The following HERC1 variants were observed in gnomAD, a reference collection of about 807,000 sequenced individuals.
The protein encoded by HERC1 is HECT and RLD domain containing E3 ubiquitin protein ligase family member 1, also known as probable E3 ubiquitin-protein ligase HERC1.
HERC1 carries 160 observed loss-of-function variants against 554.3 expected under a neutral mutation model. The observed-to-expected ratio is 0.29, with a 90% confidence interval of 0.25 to 0.33. The LOEUF (loss-of-function observed/expected upper bound fraction) is 0.33, where lower values mean the gene tolerates loss of function less well. HERC1 is among the 10% of genes least tolerant of loss of function. The probability of loss-of-function intolerance (pLI) is 1.00; values close to 1 mark genes in which losing one functional copy is unlikely to be tolerated. For missense variants in HERC1, 4,919 were observed against 5,918.5 expected (o/e 0.83, Z 5.54); for synonymous variants, 2,175 against 2,131.7 (o/e 1.02, Z -0.56).
chr15:63,792,011 C>A (rs1199371221), intron 1 of HERC1, among the ~76,000 whole-genome samples: 5 of 152,138 alleles, frequency 3.3e-5, no homozygotes. Context: ...TAATTGATAA[C>A]TGATTTAATT....
At chr15:63,761,292 G>A (rs2075602297) in intron 3 of HERC1, among the ~76,000 whole-genome samples, 1 of 152,074 alleles carries the variant, frequency 6.6e-6, no homozygotes, top group African/African-American at 2.4e-5. Flanking sequence ...TTAAAACACA[G>A]AGACAGGCTG....
chr15:63,689,358 G>C (rs538238495), intron 33 of HERC1, among the ~76,000 whole-genome samples: 1 of 152,290 alleles, frequency 6.6e-6, no homozygotes, highest in East Asian at 1.9e-4. Flanking sequence ...CAGGACAAGA[G>C]AGAAGACAGA....
At chr15:63,669,249 G>C (rs954952346) in intron 40 of HERC1, among the ~76,000 whole-genome samples, 1 of 152,218 alleles carries the variant, frequency 6.6e-6, no homozygotes, top group African/African-American at 2.4e-5. Context: ...TGTGTGGGTT[G>C]CAGCTAAAGC....
At chr15:63,804,601 CTG>C (rs2077083834) in intron 1 of HERC1, among the ~76,000 whole-genome samples, 1 of 151,152 alleles carries the variant, frequency 6.6e-6, no homozygotes, top group South Asian at 2.1e-4. Flanking sequence ...AAAAACAACA[CTG>C]TTAAGAAAAT....
chr15:63,706,660 A>C lies in HERC1; in HGVS notation c.4636+120T>G, dbSNP rs2073020399. The C allele has an allele frequency of 8.1e-6, 4 of 496,400 alleles. No homozygotes were observed. In the East Asian group the frequency reaches 1.3e-4, roughly 17 times the overall value. 30.7% of individuals were successfully genotyped at this position (496,400 alleles called of 1,614,324 possible). A position where few individuals can be genotyped will look rare whatever the true frequency, so the allele number is the denominator to read the frequency against. On this transcript the variant is annotated intron_variant, in intron 25 of 77. Transcript: ENST00000443617. ...TTTTTGCAGTTACATTTCAAAGACA[A>C]TCATATCTAAATACATCAGATATAA...
intron 1 of HERC1, among the ~76,000 whole-genome samples, chr15:63,828,029 C>T (rs1343843358): frequency 6.6e-6 from 1 of 151,826 alleles, no homozygotes; most frequent in African/African-American, 2.4e-5. Context: ...GAAAGTGTTC[C>T]GGAATTAGAT....
rs763515959 is a variant in HERC1, at chr15:63,649,903, A to C, written c.10569T>G (p.Ile3523Met). ...CCAGGGCAGATACCCAATGAGGCTG[A>C]ATATCTACTAATCCTTTTCCTCCTA... ...QVNGGKGLVD[I>M]QPHWVSALAW... The change falls in exon 54 of 78, where the codon ATT becomes ATG. Residue 3523 changes from isoleucine (I) to methionine (M), a missense_variant. Around this residue, in one of 11 missense-constraint regions of HERC1, gnomAD observed 1,963 missense variants for 2,228.6 expected, o/e 0.88. Transcript: ENST00000443617. 1.7e-5 allele frequency: 27 copies of C among 1,607,962 alleles called. No individual in the cohort carries two copies. The highest frequency in any genetic ancestry group is 1.4e-5 in the Non-Finnish European group (17 of 1,176,934).
At chr15:63,760,435 CAAAAAAAA>C (rs34164820) in intron 3 of HERC1, among the ~76,000 whole-genome samples, 18 of 91,428 alleles carry the variant, frequency 2.0e-4, no homozygotes, top group African/African-American at 6.0e-4. Flanking sequence ...AGACACCATC[CAAAAAAAA>C]AAAAAAAAAA....
At chr15:63,750,649 T>C (rs990123632) in intron 8 of HERC1, among the ~76,000 whole-genome samples, 6 of 152,204 alleles carry the variant, frequency 3.9e-5, no homozygotes, top group African/African-American at 1.2e-4. Context: ...TAAAGAGCAC[T>C]GTCCGGATGT....
Position 63,776,760 on chromosome 15 carries a change from G to A in HERC1, c.-26-1111C>T, listed in dbSNP as rs149209181. ...GCAGGAGGACTGCTTGAGCTCAGGA[G>A]TTTGAGACCCGCCTGGACAACACAG... is the stretch of plus-strand genomic sequence containing the variant. On this transcript the variant is annotated intron_variant, in intron 1 of 77. Transcript: ENST00000443617. 7.3e-3 allele frequency among the ~76,000 whole-genome samples: 1,113 copies of A among 152,224 alleles called. 15 individuals are homozygous for A. Among genetic ancestry groups the A allele is most frequent in the African/African-American group, 0.026 (1,069 of 41,516 alleles).
intron 33 of HERC1, among the ~76,000 whole-genome samples, 170 bp downstream of exon 33, chr15:63,689,419 C>T (rs2071976031): frequency 6.6e-6 from 1 of 151,992 alleles, no homozygotes; most frequent in Non-Finnish European, 1.5e-5. Flanking sequence ...ATGAGTTAAG[C>T]ATGGTTATAA....
chr15:63,729,738 A>C, intron 14 of HERC1, 89 bp from the exon 15 acceptor site: 1 of 1,340,744 alleles, frequency 7.5e-7, no homozygotes, highest in Non-Finnish European at 1.0e-6. Context: ...GCAGCATTAT[A>C]TGGGCTGGGT....
At chr15:63,657,835 T>C (rs2070133893) in intron 48 of HERC1, among the ~76,000 whole-genome samples, 5 of 152,316 alleles carry the variant, frequency 3.3e-5, no homozygotes, top group Admixed American at 3.3e-4. Flanking sequence ...CAAGGCTTTT[T>C]TTTTCTATGT....
chr15:63,697,566 C>T (rs200558951), intron 26 of HERC1, among the ~76,000 whole-genome samples: 1 of 151,404 alleles, frequency 6.6e-6, no homozygotes, highest in East Asian at 1.9e-4. Context: ...GTGATTCTCC[C>T]GCCTCAGCCT....
intron 74 of HERC1, among the ~76,000 whole-genome samples, chr15:63,620,576 C>T (rs1221543941): frequency 1.3e-5 from 2 of 152,012 alleles, no homozygotes; most frequent in East Asian, 3.9e-4. Context: ...GTTGATCTGT[C>T]TAATGTTGAC....
intron 12 of HERC1, among the ~76,000 whole-genome samples, chr15:63,736,398 C>CAGGTGAGGAA (rs533296587): frequency 2.6e-5 from 4 of 152,216 alleles, no homozygotes; most frequent in Non-Finnish European, 4.4e-5. Context: ...AGAAGACTGT[C>CAGGTGAGGAA]ACTCAGGTTT....
At chr15:63,832,245 T>C (rs1334992939) in intron 1 of HERC1, among the ~76,000 whole-genome samples, 1 of 152,214 alleles carries the variant, frequency 6.6e-6, no homozygotes, top group African/African-American at 2.4e-5. Context: ...TTCCAAGATA[T>C]ATAAATGTGT....
Position 63,723,316 on chromosome 15 carries a change from C to G in HERC1, c.3608G>C (p.Gly1203Ala). ...ATCAAAAGGCTTCTGTTCTTCATTT[C>G]CAGAAAGTGCTACTTCTAACAGGCA... The part of the protein sequence containing the change: ...MSCLLEVALS[G>A]NEEQKPFDYK... Residue 1203 changes from glycine to alanine, a missense_variant, in exon 19 of 78, where the codon GGA becomes GCA. Around this residue, in one of 11 missense-constraint regions of HERC1, gnomAD observed 1,121 missense variants for 1,244.0 expected, o/e 0.90. Transcript: ENST00000443617. 1.3e-6 allele frequency: 2 copies of G among 1,594,498 alleles called. No individual in the cohort carries two copies. The highest frequency in any genetic ancestry group is 2.7e-5 in the African/African-American group (2 of 74,744).
intron 68 of HERC1, among the ~76,000 whole-genome samples, chr15:63,631,289 G>T (rs1274590503): frequency 6.6e-6 from 1 of 152,152 alleles, no homozygotes; most frequent in Non-Finnish European, 1.5e-5. Flanking sequence ...GGTCCATTTG[G>T]CTTGCCCACC....
Sources: allele counts gnomAD v4.1 joint callset (sites outside exome capture counted in the v4.1 genomes callset), GRCh38; gene constraint gnomAD v4.1.1; regional missense constraint gnomAD v4.1.1; transcripts MANE v1.5; gene names NCBI Gene and HGNC (gene_info 2026-07-23, HGNC 2026-07-21).